PIAS1: variants seen among roughly 807,000 people sequenced by gnomAD.
PIAS1 encodes the protein protein inhibitor of activated STAT 1, also known as E3 SUMO-protein ligase PIAS1.
PIAS1 carries 6 observed loss-of-function variants against 71.3 expected under a neutral mutation model. The ratio of observed to expected loss-of-function variants is 0.08; its 90% CI spans 0.05 to 0.17. The LOEUF (loss-of-function observed/expected upper bound fraction) is 0.17. PIAS1 is among the 10% of genes least tolerant of loss of function. PIAS1 has a pLI of 1.00. For missense variants in PIAS1, 555 were observed against 793.6 expected, an observed-to-expected ratio of 0.70 and a Z score of 3.61; for synonymous variants, 303 against 292.9, an observed-to-expected ratio of 1.03 and a Z score of -0.35.
chr15:68,062,381 C>T (rs1395352528), intron 1 of PIAS1, among the ~76,000 whole-genome samples: 4 of 152,126 alleles, frequency 2.6e-5, no homozygotes, highest in Admixed American at 2.6e-4. Flanking sequence ...ATTAACATAT[C>T]CCATTACAGT....
chr15:68,183,713 TAC>T (rs1487743946), intron 13 of PIAS1, 46 bp downstream of exon 13: 2 of 737,938 alleles, frequency 2.7e-6, no homozygotes, highest in African/African-American at 1.8e-5. Flanking sequence ...ACATTAAAAA[TAC>T]AGTCATGCGC....
intron 1 of PIAS1, among the ~76,000 whole-genome samples, chr15:68,081,206 T>C (rs1047565420): frequency 1.3e-5 from 2 of 152,212 alleles, no homozygotes; most frequent in Non-Finnish European, 2.9e-5. Context: ...TGTTATTGTC[T>C]TGAATGTATT....
intron 6 of PIAS1, among the ~76,000 whole-genome samples, chr15:68,147,400 G>A (rs977369995): frequency 2.0e-5 from 3 of 152,002 alleles, no homozygotes; most frequent in Non-Finnish European, 2.9e-5. Flanking sequence ...CTGTATCCGT[G>A]TCTGTTTCTC....
At chr15:68,075,823 G>A (rs534605891) in intron 1 of PIAS1, among the ~76,000 whole-genome samples, 2 of 144,482 alleles carry the variant, frequency 1.4e-5, no homozygotes, top group South Asian at 4.5e-4. Flanking sequence ...ACTCTGCTGC[G>A]CAGGCTGGAG....
At position 68,190,628 on chromosome 15, in the gene PIAS1, G is replaced by A. The variant is rs16951657; in HGVS notation, c.*2793G>A. 8.9e-6 allele frequency: 1 copy of A among 112,952 alleles called. No individual in the cohort carries two copies. Among genetic ancestry groups the A allele is most frequent in the African/African-American group, 3.8e-5 (1 of 26,656 alleles). 7.0% of individuals were successfully genotyped at this position (112,952 alleles called of 1,614,324 possible). A position where few individuals can be genotyped will look rare whatever the true frequency, so the allele number is the denominator to read the frequency against. On this transcript the variant is annotated 3_prime_UTR_variant, in exon 14 of 14. Transcript: ENST00000249636. This position sits in a 1 kb window ranked among gnomAD's most constrained non-coding sequence, Gnocchi z 4.7. Reference sequence around the variant, plus strand: ...AGTAGGTATGCATATGTTTGTTTCTGTACAGTACTGTGTGTGTGTGTGTGT... The same window carrying A: ...AGTAGGTATGCATATGTTTGTTTCTATACAGTACTGTGTGTGTGTGTGTGT...
chr15:68,158,271 T>TA (rs2092904084), intron 7 of PIAS1, among the ~76,000 whole-genome samples: 1 of 152,216 alleles, frequency 6.6e-6, no homozygotes, highest in African/African-American at 2.4e-5. Context: ...GGGTCGCCTG[T>TA]ATTTACTCTT....
At chr15:68,093,438 T>C (rs1032231159) in intron 2 of PIAS1, among the ~76,000 whole-genome samples, 10 of 152,238 alleles carry the variant, frequency 6.6e-5, no homozygotes. Flanking sequence ...GGTAGGGCAT[T>C]GGTCTGGATG....
Position 68,081,483 on chromosome 15 carries a change from A to G in PIAS1, c.25-4823A>G, listed in dbSNP as rs180768992. Among the ~76,000 whole-genome samples the G allele has an allele frequency of 2.7e-4, 41 of 152,304 alleles. 1 individual carries two copies. In the East Asian group the frequency reaches 3.3e-3, roughly 12 times the overall value. On this transcript the variant is annotated intron_variant, in intron 1 of 13. Transcript: ENST00000249636. The stretch of plus-strand genomic sequence containing the variant: ...CCCAGGATTGTCTCTCATTTAAGGA[A>G]AGCTTCAGGCATGAAAGGCAGATAC...
chr15:68,162,734 A>G (rs998868125), intron 7 of PIAS1, among the ~76,000 whole-genome samples: 2 of 152,164 alleles, frequency 1.3e-5, no homozygotes, highest in African/African-American at 4.8e-5. Context: ...TCCCAAGCCC[A>G]GAGAACCTGG....
intron 1 of PIAS1, among the ~76,000 whole-genome samples, chr15:68,056,523 T>G (rs2091898021): frequency 1.3e-5 from 2 of 152,216 alleles, no homozygotes; most frequent in Non-Finnish European, 2.9e-5. Flanking sequence ...GGAAGTTTTT[T>G]TTTTCTACTC....
At chr15:68,111,803 A>G (rs1172522269) in intron 2 of PIAS1, among the ~76,000 whole-genome samples, 1 of 152,196 alleles carries the variant, frequency 6.6e-6, no homozygotes. Context: ...CTAAGGGGGA[A>G]TATTTGAAAT....
chr15:68,092,421 C>G (rs1247699814), intron 2 of PIAS1, among the ~76,000 whole-genome samples: 1 of 152,128 alleles, frequency 6.6e-6, no homozygotes, highest in Non-Finnish European at 1.5e-5. Flanking sequence ...AGTCCGCTCA[C>G]CTCAGCCTCT....
intron 11 of PIAS1, among the ~76,000 whole-genome samples, chr15:68,177,624 C>T (rs1001256320): frequency 1.3e-5 from 2 of 152,140 alleles, no homozygotes; most frequent in Non-Finnish European, 2.9e-5. Flanking sequence ...TATAAAACAC[C>T]CTCAGCTAAG....
Position 68,173,563 on chromosome 15 carries a change from C to G in PIAS1, c.1009-169C>G, listed in dbSNP as rs1302520015. Among the ~76,000 whole-genome samples the G allele has an allele frequency of 6.6e-6, 1 of 152,118 alleles. No homozygotes were observed. The highest frequency in any genetic ancestry group is 1.5e-5 in the Non-Finnish European group (1 of 68,020). On this transcript the variant is annotated intron_variant, in intron 8 of 13. Coordinates refer to ENST00000249636, the MANE Select transcript of PIAS1 (RefSeq NM_016166.3). This position sits in a 1 kb window ranked among gnomAD's most constrained non-coding sequence, Gnocchi z 4.3. ...CAAAGAAATACTGTCATTTTTTAAC[C>G]TATGGATATTTCACAGGAAATGTGT...
rs766344324 is a variant in PIAS1 at position 68,179,564 on chromosome 15, CTTTTTTTTTTTTTTT to C, written c.1482-1634_1482-1620del. ...CAACCTTGTCATCTCGTGAAATGTT[CTTTTTTTTTTTTTTT>C]TTTTTTTTTTTTTGAGACAGAGTTT... On this transcript the variant is annotated intron_variant, in intron 11 of 13. Transcript: ENST00000249636. 8.7e-4 allele frequency among the ~76,000 whole-genome samples: 35 copies of C among 40,110 alleles called. No individual in the cohort carries two copies. In the South Asian group the frequency reaches 0.041, roughly 47 times the overall value. The allele number at this position is 40,110 out of a possible 152,430, so 26.3% of individuals were successfully genotyped here.
At chr15:68,107,944 G>A (rs1567044848) in intron 2 of PIAS1, among the ~76,000 whole-genome samples, 2 of 151,972 alleles carry the variant, frequency 1.3e-5, no homozygotes, top group African/African-American at 2.4e-5. Flanking sequence ...AACTAATCTT[G>A]TACAAGAAAA....
chr15:68,145,237 A>G (rs1008672315), intron 4 of PIAS1, among the ~76,000 whole-genome samples: 1 of 152,210 alleles, frequency 6.6e-6, no homozygotes, highest in Non-Finnish European at 1.5e-5. Context: ...AATATTCAAT[A>G]TCTTCAGTTC....
chr15:68,093,875 T>A (rs748103011), intron 2 of PIAS1, among the ~76,000 whole-genome samples: 7 of 152,212 alleles, frequency 4.6e-5, no homozygotes, highest in Non-Finnish European at 8.8e-5. Context: ...TCTGTAAAGA[T>A]CACTGCCTTT....
chr15:68,131,514 A>G (rs1477912721), intron 2 of PIAS1, among the ~76,000 whole-genome samples: 2 of 152,172 alleles, frequency 1.3e-5, no homozygotes, highest in South Asian at 4.1e-4. Context: ...TCTTCTAACC[A>G]TATCTGGTAA....
Sources: allele counts gnomAD v4.1 joint callset (sites outside exome capture counted in the v4.1 genomes callset), GRCh38; gene constraint gnomAD v4.1.1; non-coding constraint Gnocchi (gnomAD v3.1); transcripts MANE v1.5; gene names NCBI Gene and HGNC (gene_info 2026-07-23, HGNC 2026-07-21).